The following HSPA12A variants were observed in gnomAD, a reference collection of about 807,000 sequenced individuals.
HSPA12A encodes the protein heat shock 70 kDa protein 12A.
Under a neutral mutation model 69.2 loss-of-function variants are expected in HSPA12A, and 28 were observed. That is an observed-to-expected ratio of 0.40 (90% CI 0.30 to 0.55). HSPA12A has a LOEUF of 0.55. Ranked by LOEUF, HSPA12A falls within the 20% of genes least tolerant of loss-of-function variation. The probability of loss-of-function intolerance (pLI) is 0.38; values close to 1 mark genes in which losing one functional copy is unlikely to be tolerated. For missense variants in HSPA12A, 686 were observed against 900.7 expected, an observed-to-expected ratio of 0.76 and a Z score of 3.05; for synonymous variants, 345 against 370.5, an observed-to-expected ratio of 0.93 and a Z score of 0.79.
At chr10:116,741,893 C>T (rs1554887217) in intron 1 of HSPA12A, among the ~76,000 whole-genome samples, 1 of 152,214 alleles carries the variant, frequency 6.6e-6, no homozygotes, top group Non-Finnish European at 1.5e-5. Flanking sequence ...GCAGCTGCAG[C>T]CCCCACTCCT....
At chr10:116,830,519 A>C (rs1253006146) in intron 2 of HSPA12A, 1 of 151,492 alleles carries the variant, frequency 6.6e-6, no homozygotes. Flanking sequence ...TCACACCTAT[A>C]ATCCCACCAC....
chr10:116,698,781 G>T, intron 4 of HSPA12A, 42 bp from the exon 5 acceptor site: 1 of 1,483,994 alleles, frequency 6.7e-7, no homozygotes, highest in South Asian at 1.1e-5. Flanking sequence ...GATGACACAG[G>T]AGAAACATGT....
chr10:116,705,892 CCTT>C (rs199571479), intron 2 of HSPA12A, among the ~76,000 whole-genome samples: 6,290 of 129,366 alleles, frequency 0.049, 259 homozygotes, highest in East Asian at 0.26. Context: ...TTCTCTCTCT[CCTT>C]TTTTTTTTTT....
intron 9 of HSPA12A, 21 bp from the exon 10 acceptor site, chr10:116,679,782 G>A: frequency 6.2e-7 from 1 of 1,608,958 alleles, no homozygotes; most frequent in African/African-American, 1.3e-5. Context: ...AACAAAAAGG[G>A]AGGCCATGGT....
At chr10:116,825,231 C>T (rs923746727) in intron 2 of HSPA12A, among the ~76,000 whole-genome samples, 2 of 151,340 alleles carry the variant, frequency 1.3e-5, no homozygotes, top group Non-Finnish European at 2.9e-5. Context: ...ATGAAGTGGC[C>T]GGGCGTGGTG....
intron 1 of HSPA12A, among the ~76,000 whole-genome samples, chr10:116,848,095 C>A (rs537101834): frequency 2.0e-5 from 3 of 152,332 alleles, no homozygotes; most frequent in African/African-American, 7.2e-5. Context: ...ATAGTGTCAG[C>A]TTATTTTGCA....
chr10:116,822,101 T>C (rs988469023), intron 2 of HSPA12A, among the ~76,000 whole-genome samples: 2 of 152,254 alleles, frequency 1.3e-5, no homozygotes, highest in Non-Finnish European at 2.9e-5. Context: ...AAGTAAGTAG[T>C]ACACTTGGGT....
chr10:116,690,799 CTCTT>C (rs1849712562), intron 6 of HSPA12A, among the ~76,000 whole-genome samples: 1 of 150,176 alleles, frequency 6.7e-6, no homozygotes, highest in Non-Finnish European at 1.5e-5. Flanking sequence ...CACTGCACCT[CTCTT>C]TTTTTTTTTC....
At chr10:116,784,321 C>T (rs1040584055) in intron 2 of HSPA12A, among the ~76,000 whole-genome samples, 2 of 152,270 alleles carry the variant, frequency 1.3e-5, no homozygotes, top group African/African-American at 4.8e-5. Context: ...CCTTGCCCTG[C>T]AAGTGGCAGC....
At chr10:116,724,584 C>T (rs4752006) in intron 1 of HSPA12A, among the ~76,000 whole-genome samples, 44,570 of 152,068 alleles carry the variant, frequency 0.29, 6,995 homozygotes, top group African/African-American at 0.39. Context: ...ACAGGGGCTG[C>T]CTCTGAGTGT....
intron 5 of HSPA12A, among the ~76,000 whole-genome samples, chr10:116,694,212 C>T (rs1360154374): frequency 5.9e-5 from 9 of 152,296 alleles, no homozygotes; most frequent in African/African-American, 2.2e-4. Flanking sequence ...GGCACTGTCA[C>T]GGGCTTTCCT....
Position 116,723,736 on chromosome 10 carries a change from T to C in HSPA12A, c.41-16451A>G, listed in dbSNP as rs193261658. Among the ~76,000 whole-genome samples the C allele has an allele frequency of 4.2e-3, 639 of 152,328 alleles. 6 individuals carry two copies. The highest frequency in any genetic ancestry group is 6.8e-3 in the Middle Eastern group (2 of 294). On this transcript the variant is annotated intron_variant, in intron 1 of 11. Transcript: ENST00000369209. This position sits in a 1 kb window ranked among gnomAD's most constrained non-coding sequence, Gnocchi z 4.1. The stretch of plus-strand genomic sequence containing the variant: ...CCAGCCTGAGGACCATGAGGACCAC[T>C]AAGCCTCAGGTGGGACCAGCAGCCC...
chr10:116,764,307 T>C (rs1027888617), intron 2 of HSPA12A, among the ~76,000 whole-genome samples: 1 of 152,226 alleles, frequency 6.6e-6, no homozygotes, highest in Non-Finnish European at 1.5e-5. Flanking sequence ...GAATTGTGAT[T>C]GCAAAATAGT....
At chr10:116,849,788 C>T, upstream of HSPA12A, 1 of 1,457,780 alleles carries the variant, frequency 6.9e-7, no homozygotes, top group Non-Finnish European at 9.1e-7. Flanking sequence ...CCGCCCCGCG[C>T]TGCGGCAACG....
chr10:116,791,856 A>G (rs1589708954), intron 2 of HSPA12A, among the ~76,000 whole-genome samples: 1 of 151,462 alleles, frequency 6.6e-6, no homozygotes, highest in Non-Finnish European at 1.5e-5. Flanking sequence ...AACAGGCTTC[A>G]CTCCTGCCTT....
At chr10:116,721,198 C>A (rs537298524) in intron 1 of HSPA12A, among the ~76,000 whole-genome samples, 1 of 152,312 alleles carries the variant, frequency 6.6e-6, no homozygotes, top group South Asian at 2.1e-4. Flanking sequence ...GGCAAAATTT[C>A]AAGGGTAACT....
At chr10:116,850,390 C>T (rs2093476348), upstream of HSPA12A, among the ~76,000 whole-genome samples, 1 of 152,100 alleles carries the variant, frequency 6.6e-6, no homozygotes, top group Admixed American at 6.5e-5. Flanking sequence ...CTGCTGGGCT[C>T]AGAAGCCTTG....
At chr10:116,816,777 G>T (rs1845314687) in intron 2 of HSPA12A, among the ~76,000 whole-genome samples, 1 of 152,168 alleles carries the variant, frequency 6.6e-6, no homozygotes, top group Non-Finnish European at 1.5e-5. Flanking sequence ...ATTGCCTGGA[G>T]CCCTCGCCAG....
In HSPA12A at chr10:116,681,835, A is replaced by G; in HGVS notation, c.878T>C (p.Leu293Ser). 1 of 1,614,112 alleles carries G rather than the reference A, an allele frequency of 6.2e-7. No individual in the cohort carries two copies. The highest frequency in any genetic ancestry group is 8.5e-7 in the Non-Finnish European group (1 of 1,179,956). Residue 293 changes from leucine (L) to serine (S), a missense_variant, in exon 8 of 12, where the codon TTG becomes TCG. By Grantham distance (145) the Leu-to-Ser change is moderately radical. Transcript: ENST00000369209. ...IRRNRQSRTFLVENVIGEIWS... is the reference protein window; with the variant it reads ...IRRNRQSRTFSVENVIGEIWS... ...GATTTCTCCTATGACATTCTCCACC[A>G]AAAAGGTCCGACTCTGCCGATTACG...
Sources: allele counts gnomAD v4.1 joint callset (sites outside exome capture counted in the v4.1 genomes callset), GRCh38; gene constraint gnomAD v4.1.1; non-coding constraint Gnocchi (gnomAD v3.1); transcripts MANE v1.5; gene names NCBI Gene and HGNC (gene_info 2026-07-23, HGNC 2026-07-21).